The following RBMS2 variants were observed in gnomAD, a reference collection of about 807,000 sequenced individuals.
The protein encoded by RBMS2 is RNA binding motif single stranded interacting protein 2.
RBMS2 carries 38 observed loss-of-function variants against 58.4 expected under a neutral mutation model. The observed-to-expected ratio is 0.65, with a 90% CI of 0.50 to 0.85. The LOEUF is 0.85. RBMS2 is among the 40% of genes least tolerant of loss of function. The pLI is 0.00. For synonymous variants in RBMS2, 151 were observed against 180.7 expected (o/e 0.84, Z 1.32); for missense variants, 367 against 503.7 (o/e 0.73, Z 2.60).
At chr12:56,580,308 C>T (rs1490301974) in intron 5 of RBMS2, 3 of 420,024 alleles carry the variant, frequency 7.1e-6, no homozygotes, top group African/African-American at 6.5e-5. Flanking sequence ...TCTCGACTCA[C>T]TACAACCTCT....
At chr12:56,542,969 A>T (rs1367751639) in intron 1 of RBMS2, among the ~76,000 whole-genome samples, 2 of 151,820 alleles carry the variant, frequency 1.3e-5, no homozygotes, top group African/African-American at 4.8e-5. Flanking sequence ...GCAATGATAC[A>T]ATCTTAGCTC....
intron 1 of RBMS2, among the ~76,000 whole-genome samples, chr12:56,530,546 G>A (rs1338020884): frequency 6.6e-6 from 1 of 151,606 alleles, no homozygotes. Context: ...TTTTTGTACA[G>A]ATGGGGTCCC....
At chr12:56,530,146 G>C (rs774213) in intron 1 of RBMS2, among the ~76,000 whole-genome samples, 19,568 of 152,052 alleles carry the variant, frequency 0.13, 1,471 homozygotes, top group Middle Eastern at 0.18. Context: ...GGGCTCAAGC[G>C]ATCCTCCTGC....
In RBMS2 at chr12:56,587,548, C is replaced by G. The variant is rs1402615365; in HGVS notation, c.952-6C>G. 1.2e-6 allele frequency: 2 copies of G among 1,613,032 alleles called. No individual in the cohort carries two copies. Among genetic ancestry groups the G allele is most frequent in the Non-Finnish European group, 8.5e-7 (1 of 1,179,440 alleles). On this transcript the variant is annotated splice_region_variant and splice_polypyrimidine_tract_variant and intron_variant, in intron 10 of 13. Transcript: ENST00000262031. ...AGCTAACCCTGTCCTTTGTTGCTGC[C>G]TCTAGGGTTCAGTTCTGACACCAGG...
At chr12:56,587,033 A>T in intron 10 of RBMS2, 107 bp downstream of exon 10, 1 of 1,140,306 alleles carries the variant, frequency 8.8e-7, no homozygotes. Flanking sequence ...TGGGAGGCCA[A>T]GGCAGGCAAA....
Position 56,592,319 on chromosome 12 carries a change from TAG to T in RBMS2, c.*3189_*3190del, listed in dbSNP as rs1885360661. On this transcript the variant is annotated 3_prime_UTR_variant, in exon 14 of 14. Transcript: ENST00000262031. The stretch of plus-strand genomic sequence containing the variant: ...CTGTTTTCAGTCAGCTAGAACACAC[TAG>T]AGTCCTTTCCTCAGATGGCATAATC... 6.6e-6 allele frequency: 1 copy of T among 152,148 alleles called. No individual in the cohort carries two copies. The highest frequency in any genetic ancestry group is 6.5e-5 in the Admixed American group (1 of 15,274). 9.4% of individuals were successfully genotyped at this position (152,148 alleles called of 1,614,324 possible).
At chr12:56,579,186 T>G (rs988224811) in intron 5 of RBMS2, among the ~76,000 whole-genome samples, 6 of 152,096 alleles carry the variant, frequency 3.9e-5, no homozygotes, top group African/African-American at 1.4e-4. Context: ...GATTTAACAG[T>G]TTTTGAGAAA....
chr12:56,580,230 C>CTTT lies in RBMS2; in HGVS notation c.543-936_543-934dup, dbSNP rs544289831. ...ACAGGCGTGAACCACTGAGCCTGGC[C>CTTT]TTTTTTTTTTTTTTTTTTTTAACAC... is the stretch of plus-strand genomic sequence containing the variant. On this transcript the variant is annotated intron_variant, in intron 5 of 13. Coordinates refer to ENST00000262031, the MANE Select transcript of RBMS2 (RefSeq NM_002898.4). The CTTT allele has an allele frequency of 8.3e-3, 2,599 of 312,318 alleles. 1 individual carries two copies. Among genetic ancestry groups the CTTT allele is most frequent in the South Asian group, 0.016 (735 of 45,000 alleles). 19.3% of individuals were successfully genotyped at this position (312,318 alleles called of 1,614,324 possible). A position where few individuals can be genotyped will look rare whatever the true frequency, so the allele number is the denominator to read the frequency against.
chr12:56,543,511 CTT>C (rs78482928), intron 1 of RBMS2, among the ~76,000 whole-genome samples: 18 of 134,526 alleles, frequency 1.3e-4, no homozygotes, highest in Non-Finnish European at 1.9e-4. Context: ...TGAGAGTCAC[CTT>C]TTTTTTTTTT....
At chr12:56,584,872 G>A (rs1408575007) in intron 9 of RBMS2, among the ~76,000 whole-genome samples, 3 of 145,144 alleles carry the variant, frequency 2.1e-5, no homozygotes, top group Non-Finnish European at 4.5e-5. Flanking sequence ...TGCCCAGGCT[G>A]GAGTACAATG....
chr12:56,562,378 T>C, intron 1 of RBMS2, 39 bp from the exon 2 acceptor site: 1 of 1,540,814 alleles, frequency 6.5e-7, no homozygotes, highest in African/African-American at 1.4e-5. Context: ...AACATGTAAA[T>C]GGATAATCCT....
In RBMS2 at chr12:56,594,248, T is replaced by C. The variant is rs1181115846; in HGVS notation, c.*5115T>C. On this transcript the variant is annotated 3_prime_UTR_variant, in exon 14 of 14. Coordinates refer to ENST00000262031, the MANE Select transcript of RBMS2 (RefSeq NM_002898.4). Reference sequence around the variant, plus strand: ...TCCCTAGTAGCAGTGGCTATTAGTCTTCTAGAAAAGAACTATTGCTGCTGC... The same window carrying C: ...TCCCTAGTAGCAGTGGCTATTAGTCCTCTAGAAAAGAACTATTGCTGCTGC... The C allele has an allele frequency of 6.6e-6, 1 of 152,260 alleles. No individual in the cohort carries two copies. Among genetic ancestry groups the C allele is most frequent in the Non-Finnish European group, 1.5e-5 (1 of 68,044 alleles). 9.4% of individuals were successfully genotyped at this position (152,260 alleles called of 1,614,324 possible).
intron 1 of RBMS2, among the ~76,000 whole-genome samples, chr12:56,553,742 C>T (rs1323946326): frequency 6.6e-6 from 1 of 151,144 alleles, no homozygotes; most frequent in African/African-American, 2.4e-5. Flanking sequence ...GCTGAGATTA[C>T]AAGTTTGAGC....
intron 9 of RBMS2, among the ~76,000 whole-genome samples, chr12:56,583,348 G>C (rs1403711937): frequency 6.6e-6 from 1 of 152,158 alleles, no homozygotes; most frequent in Non-Finnish European, 1.5e-5. Flanking sequence ...AGGTGCTACT[G>C]CTCTTTTAAA....
intron 1 of RBMS2, among the ~76,000 whole-genome samples, chr12:56,544,948 G>A (rs1876889679): frequency 6.6e-6 from 1 of 151,658 alleles, no homozygotes; most frequent in South Asian, 2.1e-4. Flanking sequence ...TTGGGGTACA[G>A]GTGGTTTTTG....
chr12:56,562,576 T>C lies in RBMS2; in HGVS notation c.226T>C (p.Cys76Arg), dbSNP rs1318642757. Residue 76 changes from cysteine to arginine, a missense_variant, in exon 2 of 14, where the codon TGT becomes CGT. Physicochemically the swap from Cys to Arg is radical, Grantham distance 180. Around this residue, in one of 3 missense-constraint regions of RBMS2, gnomAD observed 93 missense variants for 132.2 expected, o/e 0.70. Coordinates refer to ENST00000262031, the MANE Select transcript of RBMS2 (RefSeq NM_002898.4). The stretch of plus-strand genomic sequence containing the variant: ...TACTGACCAAGATCTTGTCAAGCTG[T>C]GTCAGCCGTAAGTTGGAGTACATGT... ...GTTDQDLVKL[C>R]QPYGKIVSTK... 5.0e-6 allele frequency: 8 copies of C among 1,613,516 alleles called. No homozygotes were observed. The African/African-American group carries it at 1.1e-4, about 22-fold the overall frequency.
rs1241274962 is a variant in RBMS2, at chr12:56,587,674, GA to G, written c.1062+11del. 1 of 1,611,124 alleles carries G rather than the reference GA, an allele frequency of 6.2e-7. No homozygotes were observed. The highest frequency in any genetic ancestry group is 8.5e-7 in the Non-Finnish European group (1 of 1,178,038). On this transcript the variant is annotated intron_variant, in intron 11 of 13. Transcript: ENST00000262031. The stretch of plus-strand genomic sequence containing the variant: ...CAGCAGCACAGGCACGGTAAAGCAG[GA>G]TATTTCTGATTGTAAACTCTCCTAC...
At chr12:56,571,606 G>T (rs1882305996) in intron 4 of RBMS2, 92 bp from the exon 5 acceptor site, 7 of 1,353,370 alleles carry the variant, frequency 5.2e-6, no homozygotes, top group Non-Finnish European at 6.9e-6. Flanking sequence ...CCTTCCTATA[G>T]TCTCTTTTCT....
intron 12 of RBMS2, chr12:56,588,720 G>A: frequency 5.0e-6 from 3 of 604,028 alleles, no homozygotes; most frequent in Non-Finnish European, 8.9e-6. Flanking sequence ...ACACCAGGAT[G>A]CTGGCTTGTA....
Sources: allele counts gnomAD v4.1 joint callset (sites outside exome capture counted in the v4.1 genomes callset), GRCh38; gene constraint gnomAD v4.1.1; regional missense constraint gnomAD v4.1.1; transcripts MANE v1.5; gene names NCBI Gene and HGNC (gene_info 2026-07-23, HGNC 2026-07-21).